NCALD: variants seen among roughly 807,000 people sequenced by gnomAD.
NCALD encodes neurocalcin delta, also known as neurocalcin-delta.
Under a neutral mutation model 18.6 loss-of-function variants are expected in NCALD, and 10 were observed. The ratio of observed to expected loss-of-function variants is 0.54; its 90% confidence interval spans 0.33 to 0.91. NCALD has a LOEUF of 0.91. Among genes scored for constraint, NCALD ranks in the 40% least tolerant of loss-of-function variants. The probability of loss-of-function intolerance (pLI) is 0.03; values close to 1 mark genes in which losing one functional copy is unlikely to be tolerated. For missense variants in NCALD, 184 were observed against 247.6 expected (o/e 0.74, Z 1.72); for synonymous variants, 88 against 87.4 (o/e 1.01, Z -0.04).
At chr8:101,970,465 T>C (rs76983004) in intron 2 of NCALD, among the ~76,000 whole-genome samples, 2,957 of 152,288 alleles carry the variant, frequency 0.019, 31 homozygotes, top group South Asian at 0.03. Flanking sequence ...AGAGTCTGAA[T>C]TTTTTGTAGA....
chr8:101,785,303 T>C (rs1368257542), intron 1 of NCALD, among the ~76,000 whole-genome samples: 1 of 152,182 alleles, frequency 6.6e-6, no homozygotes, highest in Non-Finnish European at 1.5e-5. Context: ...CTACCAGAAG[T>C]AGAAGATTAA....
rs868120284 is a variant in NCALD at position 102,106,441 on chromosome 8, T to G, written c.-210+17796A>C. On this transcript the variant is annotated intron_variant, in intron 1 of 6. Coordinates refer to the NCALD transcript ENST00000311028. ...CACAGTACGTGTAAAACTATTAGCA[T>G]ATAGTATATATATATATATATATAT... 1.3e-4 allele frequency among the ~76,000 whole-genome samples: 13 copies of G among 103,600 alleles called. No homozygotes were observed. In the South Asian group the frequency reaches 3.0e-3, roughly 24 times the overall value. 68.0% of individuals were successfully genotyped at this position (103,600 alleles called of 152,430 possible).
chr8:101,833,862 A>G (rs1814294686), intron 4 of NCALD, among the ~76,000 whole-genome samples: 1 of 152,196 alleles, frequency 6.6e-6, no homozygotes, highest in Non-Finnish European at 1.5e-5. Context: ...GCTGGAAGGA[A>G]TAGTTAGCAC....
chr8:102,035,828 T>C (rs1586958243), intron 1 of NCALD, among the ~76,000 whole-genome samples: 1 of 152,296 alleles, frequency 6.6e-6, no homozygotes, highest in East Asian at 1.9e-4. Context: ...CAGGACATAG[T>C]CATGTTCTTG....
intron 1 of NCALD, among the ~76,000 whole-genome samples, chr8:102,102,791 G>GGA (rs201052423): frequency 1.3e-5 from 2 of 152,140 alleles, no homozygotes; most frequent in South Asian, 4.2e-4. Context: ...TCAAGGGAGA[G>GGA]GAGAGAGAGA....
At chr8:102,066,468 T>C (rs1189491324) in intron 1 of NCALD, among the ~76,000 whole-genome samples, 2 of 152,198 alleles carry the variant, frequency 1.3e-5, no homozygotes, top group African/African-American at 4.8e-5. Flanking sequence ...AGTGGCACGG[T>C]GCTGGGCCCA....
At chr8:102,064,101 A>C (rs921023400) in intron 1 of NCALD, among the ~76,000 whole-genome samples, 1 of 152,274 alleles carries the variant, frequency 6.6e-6, no homozygotes, top group African/African-American at 2.4e-5. Context: ...AACATAAACA[A>C]CCTCAAACAA....
In NCALD at chr8:101,719,291, A is replaced by G; in HGVS notation, c.339T>C (p.Asn113=). 1 of 1,613,990 alleles carries G rather than the reference A, an allele frequency of 6.2e-7. No homozygotes were observed. Among genetic ancestry groups the G allele is most frequent in the Non-Finnish European group, 8.5e-7 (1 of 1,179,988 alleles). The part of the protein sequence containing the change: ...WAFSMYDLDG[N]GYISKAEMLE... Reference sequence around the variant, plus strand: ...GCATCTCTGCCTTGCTGATATAGCCATTTCCGTCCAGGTCGTACATGCTGA... The same window carrying G: ...GCATCTCTGCCTTGCTGATATAGCCGTTTCCGTCCAGGTCGTACATGCTGA... The change falls in exon 2 of 4, where the codon AAT becomes AAC. Residue 113 remains asparagine (N), a synonymous_variant. Coordinates refer to ENST00000220931, the MANE Select transcript of NCALD (RefSeq NM_032041.3).
At chr8:101,888,897 A>T (rs544821) in intron 3 of NCALD, among the ~76,000 whole-genome samples, 9 of 152,092 alleles carry the variant, frequency 5.9e-5, no homozygotes, top group Middle Eastern at 3.4e-3. Context: ...GACAGTGGGG[A>T]AGACATTGCC....
Position 101,689,596 on chromosome 8 carries a change from A to G in NCALD, c.485-190T>C, listed in dbSNP as rs1814623592. ...CAGGAACACTGCTGCCTCATTCACC[A>G]TGGCATTGCCAGCACTTAGGACAGT... On this transcript the variant is annotated intron_variant, in intron 3 of 3. Transcript: ENST00000220931. This position sits in a 1 kb window ranked among gnomAD's most constrained non-coding sequence, Gnocchi z 4.4. Among the ~76,000 whole-genome samples, 3 of 152,232 alleles carry G rather than the reference A, an allele frequency of 2.0e-5. No homozygotes were observed. The highest frequency in any genetic ancestry group is 7.2e-5 in the African/African-American group (3 of 41,466).
chr8:101,883,880 G>A (rs904408292), intron 4 of NCALD, among the ~76,000 whole-genome samples: 3 of 152,172 alleles, frequency 2.0e-5, no homozygotes, highest in Non-Finnish European at 2.9e-5. Context: ...TATTGGCTGG[G>A]TGAGTAAATG....
intron 2 of NCALD, among the ~76,000 whole-genome samples, chr8:102,014,909 T>G (rs1822029553): frequency 6.6e-6 from 1 of 152,196 alleles, no homozygotes; most frequent in Admixed American, 6.5e-5. Context: ...TCATCAGGTC[T>G]GAGATGGGAC....
At chr8:101,837,298 C>T (rs1468411341) in intron 4 of NCALD, among the ~76,000 whole-genome samples, 1 of 152,194 alleles carries the variant, frequency 6.6e-6, no homozygotes, top group Non-Finnish European at 1.5e-5. Flanking sequence ...GAGACCAAAA[C>T]AGAGTCCTCT....
At chr8:101,862,710 A>G (rs564949463) in intron 4 of NCALD, among the ~76,000 whole-genome samples, 3 of 152,298 alleles carry the variant, frequency 2.0e-5, no homozygotes, top group African/African-American at 7.2e-5. Flanking sequence ...TCTAACAGGG[A>G]CAAATAGAAA....
intron 2 of NCALD, among the ~76,000 whole-genome samples, chr8:101,982,740 C>T (rs2131946736): frequency 6.6e-6 from 1 of 151,774 alleles, no homozygotes; most frequent in East Asian, 1.9e-4. Flanking sequence ...ACTTGGGAGA[C>T]TGAGGCAGGA....
chr8:102,097,914 G>A (rs767150635), intron 1 of NCALD, among the ~76,000 whole-genome samples: 8 of 152,134 alleles, frequency 5.3e-5, no homozygotes, highest in Non-Finnish European at 1.0e-4. Context: ...AAATCACAAC[G>A]CAATGCAAAG....
intron 1 of NCALD, among the ~76,000 whole-genome samples, chr8:101,723,787 A>G (rs1816462965): frequency 6.6e-6 from 1 of 152,222 alleles, no homozygotes; most frequent in South Asian, 2.1e-4. Context: ...CAGCAGTAAC[A>G]TTAATATAAA....
At chr8:102,095,120 T>C (rs565377189) in intron 1 of NCALD, among the ~76,000 whole-genome samples, 1 of 152,342 alleles carries the variant, frequency 6.6e-6, no homozygotes, top group Admixed American at 6.5e-5. Flanking sequence ...ACGTATGTTT[T>C]GTTGAGTATA....
intron 1 of NCALD, among the ~76,000 whole-genome samples, chr8:102,055,993 T>G (rs182892606): frequency 1.3e-5 from 2 of 152,272 alleles, no homozygotes; most frequent in African/African-American, 4.8e-5. Flanking sequence ...TAGTGATCTT[T>G]TAGAGTGTCA....
Sources: gnomAD v4.1 joint callset for allele counts (sites outside exome capture counted in the v4.1 genomes callset) on GRCh38, gnomAD v4.1.1 for gene constraint, Gnocchi (gnomAD v3.1) non-coding constraint, MANE v1.5 for transcripts, NCBI Gene and HGNC (gene_info 2026-07-23, HGNC 2026-07-21) for gene names.